METTL8: variants seen among roughly 807,000 people sequenced by gnomAD.
METTL8 encodes the protein tRNA N(3)-cytidine methyltransferase METTL8, mitochondrial.
Under a neutral mutation model 48.7 loss-of-function variants are expected in METTL8, and 32 were observed. That is an observed-to-expected ratio of 0.66 (90% CI 0.50 to 0.88). The LOEUF (loss-of-function observed/expected upper bound fraction) is 0.88, where lower values mean the gene tolerates loss of function less well. METTL8 is among the 40% of genes least tolerant of loss of function. METTL8 has a pLI of 0.00. For synonymous variants in METTL8, 136 were observed against 157.1 expected (o/e 0.87, Z 1.01); for missense variants, 464 against 474.4 (o/e 0.98, Z 0.20).
chr2:171,386,548 G>C (rs1314249799), intron 2 of METTL8, among the ~76,000 whole-genome samples: 1 of 152,210 alleles, frequency 6.6e-6, no homozygotes, highest in Non-Finnish European at 1.5e-5. Context: ...CAGTTCACCT[G>C]AGGTCAGGAG....
chr2:171,428,344 G>A (rs1692626663), intron 1 of METTL8, among the ~76,000 whole-genome samples: 1 of 152,090 alleles, frequency 6.6e-6, no homozygotes, highest in Non-Finnish European at 1.5e-5. Context: ...CTGCATCTAA[G>A]CTAAAAGTAG....
Position 171,339,605 on chromosome 2 carries a change from C to T in METTL8, c.236-51G>A, listed in dbSNP as rs763467909. 4 of 983,786 alleles carry T rather than the reference C, an allele frequency of 4.1e-6. No individual in the cohort carries two copies. The African/African-American group carries it at 4.9e-5, about 12-fold the overall frequency. The allele number at this position is 983,786 out of a possible 1,614,324, so 60.9% of individuals were successfully genotyped here. ...TTTATTTTACTACGAATTATATTTA[C>T]TATTAGCTACTGTCTTGATAATTGT... On this transcript the variant is annotated intron_variant, in intron 3 of 9. Coordinates refer to ENST00000375258, the MANE Select transcript of METTL8 (RefSeq NM_001321154.2).
chr2:171,428,586 T>C (rs1692656026), intron 1 of METTL8, among the ~76,000 whole-genome samples: 1 of 152,222 alleles, frequency 6.6e-6, no homozygotes, highest in Non-Finnish European at 1.5e-5. Flanking sequence ...TACATATGCA[T>C]TAACCACATT....
intron 1 of METTL8, among the ~76,000 whole-genome samples, chr2:171,413,561 G>A (rs1361826845): frequency 6.6e-6 from 1 of 152,084 alleles, no homozygotes; most frequent in African/African-American, 2.4e-5. Context: ...GTTTTTACAG[G>A]TGTTGTGATA....
rs13031280 is a variant in METTL8, at chr2:171,325,766, C to T, written c.1033+75G>A. Reference sequence around the variant, plus strand: ...GACTGAAGCCTCAGTTTCATAGCTTCTGAGCTATAATCAATGAGATAATAA... The same window carrying T: ...GACTGAAGCCTCAGTTTCATAGCTTTTGAGCTATAATCAATGAGATAATAA... On this transcript the variant is annotated intron_variant, in intron 9 of 9. Transcript: ENST00000375258. 7.9e-6 allele frequency: 7 copies of T among 880,558 alleles called. No homozygotes were observed. In the South Asian group the frequency reaches 1.1e-4, roughly 14 times the overall value. The allele number at this position is 880,558 out of a possible 1,614,324, so 54.5% of individuals were successfully genotyped here. A position where few individuals can be genotyped will look rare whatever the true frequency, so the allele number is the denominator to read the frequency against.
At chr2:171,368,638 A>G (rs1240120588) in intron 2 of METTL8, among the ~76,000 whole-genome samples, 1 of 152,244 alleles carries the variant, frequency 6.6e-6, no homozygotes, top group Non-Finnish European at 1.5e-5. Context: ...GATCTACATC[A>G]AACAGGGAAC....
rs1267728225 is a variant in METTL8 at position 171,318,330 on chromosome 2, T to C, written c.*5842A>G. 1.3e-5 allele frequency: 2 copies of C among 152,356 alleles called. No homozygotes were observed. Among genetic ancestry groups the C allele is most frequent in the South Asian group, 2.1e-4 (1 of 4,828 alleles). The allele number at this position is 152,356 out of a possible 1,614,324, so 9.4% of individuals were successfully genotyped here. On this transcript the variant is annotated 3_prime_UTR_variant, in exon 10 of 10. Coordinates refer to ENST00000375258, the MANE Select transcript of METTL8 (RefSeq NM_001321154.2). ...GGTATTAATGTGGCATTAATGTACA[T>C]ACAATGTTTTAAATAACGATGTTTT...
chr2:171,398,481 T>A (rs780970964), intron 1 of METTL8, among the ~76,000 whole-genome samples: 30 of 150,406 alleles, frequency 2.0e-4, no homozygotes, highest in East Asian at 9.8e-4. Flanking sequence ...GGAAGTGGAG[T>A]GGTGTTTGGC....
intron 1 of METTL8, among the ~76,000 whole-genome samples, chr2:171,398,156 G>T (rs1054370078): frequency 6.6e-6 from 1 of 152,148 alleles, no homozygotes; most frequent in African/African-American, 2.4e-5. Flanking sequence ...ATACCCAAAA[G>T]AAGTGAAAGC....
chr2:171,401,294 C>G (rs1394499040), intron 1 of METTL8, among the ~76,000 whole-genome samples: 1 of 152,140 alleles, frequency 6.6e-6, no homozygotes, highest in East Asian at 1.9e-4. Context: ...TCAATTAACC[C>G]TGGCAATTTC....
chr2:171,327,718 C>G (rs2105389882), intron 7 of METTL8, among the ~76,000 whole-genome samples: 1 of 152,252 alleles, frequency 6.6e-6, no homozygotes, highest in South Asian at 2.1e-4. Flanking sequence ...TTTAAAAAAA[C>G]TAGCACATAA....
chr2:171,350,627 G>C (rs1683805786), intron 3 of METTL8, among the ~76,000 whole-genome samples: 1 of 152,126 alleles, frequency 6.6e-6, no homozygotes, highest in Non-Finnish European at 1.5e-5. Context: ...AGCACCTGCT[G>C]TTTCCTGACT....
chr2:171,393,927 C>T (rs546467854), intron 1 of METTL8, among the ~76,000 whole-genome samples: 1 of 152,186 alleles, frequency 6.6e-6, no homozygotes, highest in African/African-American at 2.4e-5. Flanking sequence ...TTATACATAC[C>T]AACAAGACTG....
intron 6 of METTL8, 45 bp from the exon 7 acceptor site, chr2:171,330,743 C>G (rs1685442083): frequency 1.3e-6 from 2 of 1,493,186 alleles, no homozygotes; most frequent in Non-Finnish European, 1.8e-6. Flanking sequence ...ACTTAGTAGA[C>G]TTCCGGGATT....
In METTL8 at chr2:171,326,122, G is replaced by C; in HGVS notation, c.887C>G (p.Ser296Cys). The C allele has an allele frequency of 1.3e-6, 2 of 1,547,020 alleles. No individual in the cohort carries two copies. Among genetic ancestry groups the C allele is most frequent in the Non-Finnish European group, 1.7e-6 (2 of 1,143,906 alleles). ...DRMQGVVNRLSKLLKPGGMLL... is the reference protein window; with the variant it reads ...DRMQGVVNRLCKLLKPGGMLL... ...CATTCCCCCAGGTTTCAGTAACTTG[G>C]ACAGTCGGTTTACAACACCTTGCAT... Residue 296 changes from serine (S) to cysteine (C), a missense_variant, in exon 8 of 10, where the codon TCC becomes TGC. Ser to Cys is a moderately radical substitution (Grantham distance 112). Transcript: ENST00000375258.
intron 2 of METTL8, among the ~76,000 whole-genome samples, chr2:171,379,910 A>G (rs918129691): frequency 5.9e-5 from 9 of 152,228 alleles, no homozygotes; most frequent in African/African-American, 2.2e-4. Context: ...AGCCAGCATC[A>G]TCCTGATACC....
intron 1 of METTL8, among the ~76,000 whole-genome samples, chr2:171,408,737 AG>A (rs1393112773): frequency 6.6e-6 from 1 of 152,182 alleles, no homozygotes; most frequent in African/African-American, 2.4e-5. Flanking sequence ...TTACTACCAC[AG>A]GCTGTATCAC....
At chr2:171,329,818 G>A (rs192350367) in intron 7 of METTL8, among the ~76,000 whole-genome samples, 1 of 152,170 alleles carries the variant, frequency 6.6e-6, no homozygotes, top group Non-Finnish European at 1.5e-5. Context: ...TTCCACCAGG[G>A]AACTGTGAGA....
At chr2:171,382,977 G>C (rs986164675) in intron 2 of METTL8, among the ~76,000 whole-genome samples, 1 of 152,128 alleles carries the variant, frequency 6.6e-6, no homozygotes, top group Non-Finnish European at 1.5e-5. Context: ...GGGAGGCTGA[G>C]GCAGGAGAAT....
Sources: gnomAD v4.1 joint callset for allele counts (sites outside exome capture counted in the v4.1 genomes callset) on GRCh38, gnomAD v4.1.1 for gene constraint, MANE v1.5 for transcripts, NCBI Gene and HGNC (gene_info 2026-07-23, HGNC 2026-07-21) for gene names.